MORF4L1: variants seen among roughly 807,000 people sequenced by gnomAD.
MORF4L1 encodes mortality factor 4 like 1, also known as mortality factor 4-like protein 1.
In MORF4L1, 4 loss-of-function variants were observed where a neutral mutation model predicts 52.9. The observed-to-expected ratio is 0.08, with a 90% CI of 0.04 to 0.17. The LOEUF (loss-of-function observed/expected upper bound fraction) is 0.17. Ranked by LOEUF, MORF4L1 falls within the 10% of genes least tolerant of loss-of-function variation. The pLI, the probability that MORF4L1 is intolerant of heterozygous loss-of-function variation, is 1.00. For missense variants in MORF4L1, 214 were observed against 390.4 expected, an observed-to-expected ratio of 0.55 and a Z score of 3.81; for synonymous variants, 123 against 134.8, an observed-to-expected ratio of 0.91 and a Z score of 0.61.
chr15:78,878,264 G>A lies in MORF4L1; in HGVS notation c.87+5G>A. On this transcript the variant is annotated splice_donor_5th_base_variant and intron_variant, in intron 2 of 11. Transcript: ENST00000426013. ...CCTCTTCTTTATGAAGCAAAGGTAT[G>A]AAACTTGTTTTCTTTTGAGAAGTTG... 1 of 1,610,756 alleles carries A rather than the reference G, an allele frequency of 6.2e-7. No individual in the cohort carries two copies. The highest frequency in any genetic ancestry group is 8.5e-7 in the Non-Finnish European group (1 of 1,179,204).
At chr15:78,888,340 G>T (rs979432274) in intron 5 of MORF4L1, among the ~76,000 whole-genome samples, 1 of 151,874 alleles carries the variant, frequency 6.6e-6, no homozygotes. Context: ...GGTGGCACAT[G>T]CTTGTAGTCC....
intron 5 of MORF4L1, 119 bp downstream of exon 5, chr15:78,887,468 C>T: frequency 1.2e-6 from 1 of 812,544 alleles, no homozygotes; most frequent in South Asian, 2.1e-5. Context: ...CAGTAAGAAT[C>T]CCATTCCTCA....
intron 10 of MORF4L1, 105 bp from the exon 11 acceptor site, chr15:78,894,715 A>G: frequency 1.1e-6 from 1 of 906,388 alleles, no homozygotes; most frequent in Non-Finnish European, 1.8e-6. Flanking sequence ...GCCTAAAATC[A>G]TGTATTTTAA....
chr15:78,884,639 C>CAA (rs71148577), intron 3 of MORF4L1, among the ~76,000 whole-genome samples: 19 of 89,562 alleles, frequency 2.1e-4, no homozygotes, highest in African/African-American at 7.0e-4. Flanking sequence ...AACTCTGTCT[C>CAA]AAAAAAAAAA....
rs553969483 is a variant in MORF4L1, at chr15:78,884,850, A to G, written c.156-1291A>G. The G allele has an allele frequency of 3.4e-4, 196 of 572,378 alleles. 1 individual carries two copies. The highest frequency in any genetic ancestry group is 2.9e-3 in the African/African-American group (152 of 52,304). The allele number at this position is 572,378 out of a possible 1,614,324, so 35.5% of individuals were successfully genotyped here. ...GGAGATTTCTAAATTTTCAAACCTC[A>G]TTGGAATTTGTTGACACACACTTAA... On this transcript the variant is annotated intron_variant, in intron 3 of 11. Transcript: ENST00000426013.
intron 9 of MORF4L1, 24 bp downstream of exon 9, chr15:78,893,651 G>T: frequency 6.9e-7 from 1 of 1,458,654 alleles, no homozygotes; most frequent in South Asian, 1.2e-5. Context: ...TTTTTCAGAT[G>T]ACACTCAAAA....
chr15:78,890,751 G>A (rs187287241), intron 5 of MORF4L1: 5 of 268,126 alleles, frequency 1.9e-5, no homozygotes. Flanking sequence ...CAAAATGCTG[G>A]GATTACAGGC....
intron 4 of MORF4L1, 68 bp downstream of exon 4, chr15:78,886,295 A>T: frequency 7.5e-7 from 1 of 1,334,474 alleles, no homozygotes; most frequent in Non-Finnish European, 1.1e-6. Flanking sequence ...CATGGAATGA[A>T]CAATGGAGAT....
At chr15:78,887,910 C>T (rs1369333452) in intron 5 of MORF4L1, among the ~76,000 whole-genome samples, 10 of 152,144 alleles carry the variant, frequency 6.6e-5, no homozygotes, top group Admixed American at 5.9e-4. Context: ...TCCCAAGTAG[C>T]GGGGATTACA....
chr15:78,877,182 A>C (rs1479408135), intron 1 of MORF4L1, among the ~76,000 whole-genome samples: 1 of 137,730 alleles, frequency 7.3e-6, no homozygotes, highest in Non-Finnish European at 1.5e-5. Flanking sequence ...GTGCGGTGAC[A>C]AGATCTTAGC....
At chr15:78,890,927 G>T in intron 5 of MORF4L1, 62 bp from the exon 6 acceptor site, 1 of 1,347,386 alleles carries the variant, frequency 7.4e-7, no homozygotes, top group South Asian at 1.5e-5. Flanking sequence ...CTGATAAAGG[G>T]AGTTGAAACA....
intron 10 of MORF4L1, 185 bp from the exon 11 acceptor site, chr15:78,894,635 C>T: frequency 1.8e-6 from 1 of 555,752 alleles, no homozygotes; most frequent in Non-Finnish European, 3.2e-6. Context: ...TCTTGAATAC[C>T]TGACCTCAAG....
rs569185820 is a variant in MORF4L1 at position 78,876,088 on chromosome 15, C to T, written c.41-2125C>T. On this transcript the variant is annotated intron_variant, in intron 1 of 11. Transcript: ENST00000426013. ...GAGTAGCTGGGATTATAGGCACGCG[C>T]CACCACGCCCAGCTAATTTTTGTAT... Among the ~76,000 whole-genome samples, 340 of 151,980 alleles carry T rather than the reference C, an allele frequency of 2.2e-3. 1 individual carries two copies. Among genetic ancestry groups the T allele is most frequent in the South Asian group, 0.014 (67 of 4,796 alleles).
chr15:78,878,111 T>C, intron 1 of MORF4L1, 102 bp from the exon 2 acceptor site: 1 of 1,196,564 alleles, frequency 8.4e-7, no homozygotes, highest in Non-Finnish European at 1.2e-6. Context: ...TTTTCCTAAT[T>C]TGGCTAGGAA....
rs548161056 is a variant in MORF4L1 at position 78,893,465 on chromosome 15, A to G, written c.541-74A>G. ...ACTGTTACTGTTACCTGATCTTTGT[A>G]TAAAAACTTGCCTGGTATGATTTTT... On this transcript the variant is annotated intron_variant, in intron 8 of 11. Transcript: ENST00000426013. 5.1e-6 allele frequency: 5 copies of G among 982,416 alleles called. No homozygotes were observed. In the East Asian group the frequency reaches 1.2e-4, roughly 24 times the overall value. 60.9% of individuals were successfully genotyped at this position (982,416 alleles called of 1,614,324 possible). A position where few individuals can be genotyped will look rare whatever the true frequency, so the allele number is the denominator to read the frequency against.
intron 1 of MORF4L1, among the ~76,000 whole-genome samples, chr15:78,875,669 C>G (rs2141585606): frequency 6.6e-6 from 1 of 151,954 alleles, no homozygotes; most frequent in Admixed American, 6.6e-5. Flanking sequence ...CTCCTGTAAT[C>G]CCGGCTACTC....
rs1051191950 is a variant in MORF4L1, at chr15:78,880,435, T to C, written c.88-77T>C. On this transcript the variant is annotated intron_variant, in intron 2 of 11. Coordinates refer to ENST00000426013, the MANE Select transcript of MORF4L1 (RefSeq NM_006791.4). The stretch of plus-strand genomic sequence containing the variant: ...GCCACCATAAAGCTTGTGTAGAGTG[T>C]CTTTGAAGGATGATTTGAAAAGGTA... 14 of 1,027,182 alleles carry C rather than the reference T, an allele frequency of 1.4e-5. No individual in the cohort carries two copies. The African/African-American group carries it at 2.3e-4, about 17-fold the overall frequency. 63.6% of individuals were successfully genotyped at this position (1,027,182 alleles called of 1,614,324 possible).
intron 4 of MORF4L1, 186 bp downstream of exon 4, chr15:78,886,413 C>T: frequency 1.7e-6 from 1 of 600,798 alleles, no homozygotes; most frequent in Non-Finnish European, 3.0e-6. Context: ...AAGTAGCATA[C>T]CTGCCATTAC....
intron 8 of MORF4L1, chr15:78,892,822 G>A (rs760393664): frequency 1.3e-5 from 2 of 153,870 alleles, no homozygotes; most frequent in African/African-American, 2.4e-5. Context: ...TGAACAAATG[G>A]CATAGGTAGG....
Sources: allele counts gnomAD v4.1 joint callset (sites outside exome capture counted in the v4.1 genomes callset), GRCh38; gene constraint gnomAD v4.1.1; transcripts MANE v1.5; gene names NCBI Gene and HGNC (gene_info 2026-07-23, HGNC 2026-07-21).